Variants in PWWP3A observed in about 807,000 individuals in gnomAD.
PWWP3A encodes PWWP domain containing 3A, DNA repair factor, also known as PWWP domain-containing DNA repair factor 3A.
In PWWP3A, 53 loss-of-function variants were observed where a neutral mutation model predicts 79.0. That is an observed-to-expected ratio of 0.67 (90% CI 0.54 to 0.84). PWWP3A has a LOEUF of 0.84. Ranked by LOEUF, PWWP3A falls within the 40% of genes least tolerant of loss-of-function variation. The pLI is 0.00. For synonymous variants in PWWP3A, 443 were observed against 394.4 expected, an observed-to-expected ratio of 1.12 and a Z score of -1.46; for missense variants, 973 against 948.0, an observed-to-expected ratio of 1.03 and a Z score of -0.35.
intron 6 of PWWP3A, among the ~76,000 whole-genome samples, chr19:1,363,187 G>A (rs778814622): frequency 3.9e-5 from 6 of 152,252 alleles, no homozygotes; most frequent in South Asian, 2.1e-4. Flanking sequence ...GCACACTTGC[G>A]TGCCGGTGGC....
chr19:1,362,726 C>T (rs921792112), intron 6 of PWWP3A, among the ~76,000 whole-genome samples: 1 of 152,228 alleles, frequency 6.6e-6, no homozygotes, highest in African/African-American at 2.4e-5. Flanking sequence ...TCGCGGCTTC[C>T]GTTGGTGATG....
In PWWP3A at chr19:1,368,155, C is replaced by G. The variant is rs1478612276; in HGVS notation, c.1422+935C>G. On this transcript the variant is annotated intron_variant, in intron 9 of 13. Coordinates refer to ENST00000591337, the MANE Select transcript of PWWP3A (RefSeq NM_001369789.1). The surrounding 1 kb of genome is among the most constrained non-coding windows in gnomAD (Gnocchi z 4.7). ...GGCCAGGTTGGTCTCGAACTCCTGA[C>G]CTCATGATCCGCCTGCCTCAGCCTC... Among the ~76,000 whole-genome samples, 2 of 152,134 alleles carry G rather than the reference C, an allele frequency of 1.3e-5. No homozygotes were observed. Among genetic ancestry groups the G allele is most frequent in the African/African-American group, 2.4e-5 (1 of 41,434 alleles).
Position 1,360,082 on chromosome 19 carries a change from C to T in PWWP3A, c.215-54C>T, listed in dbSNP as rs150679795. On this transcript the variant is annotated intron_variant, in intron 4 of 13. Transcript: ENST00000591337. This position sits in a 1 kb window ranked among gnomAD's most constrained non-coding sequence, Gnocchi z 4.4. ...CGAGCTTCTAAAGCGATGCCGTGAC[C>T]GCAGTGCCTGTGCAGTGAACGTAAC... is the stretch of plus-strand genomic sequence containing the variant. 24 of 1,491,982 alleles carry T rather than the reference C, an allele frequency of 1.6e-5. No homozygotes were observed. In the Admixed American group the frequency reaches 2.1e-4, roughly 13 times the overall value. 92.4% of individuals were successfully genotyped at this position (1,491,982 alleles called of 1,614,324 possible).
In PWWP3A at chr19:1,367,212, ACG is replaced by A. The variant is rs1191864298; in HGVS notation, c.1416_1417del (p.Leu473SerfsTer42). The A allele has an allele frequency of 6.2e-7, 1 of 1,612,780 alleles. No homozygotes were observed. Among genetic ancestry groups the A allele is most frequent in the Non-Finnish European group, 8.5e-7 (1 of 1,179,380 alleles). ...GCACTTTGATTGTAAAGAGAAACAG[ACG>A]CTTCTGGTAGGTGGATGATGTTTTG... Reference protein sequence around the residue: ...LKHFDCKEKQTLLNQAREDFN... With the variant: ...LKHFDCKEKQXLLNQAREDFN... On this transcript the variant is annotated frameshift_variant, in exon 9 of 14. Transcript: ENST00000591337. LOFTEE classifies it high-confidence loss of function.
At chr19:1,374,582 C>G (rs1054634120) in intron 13 of PWWP3A, among the ~76,000 whole-genome samples, 2 of 152,176 alleles carry the variant, frequency 1.3e-5, no homozygotes. Context: ...TCCCCTATTT[C>G]CAGGTCTGCT....
intron 12 of PWWP3A, 22 bp downstream of exon 12, chr19:1,371,100 C>CA (rs907678807): frequency 1.3e-6 from 2 of 1,550,738 alleles, no homozygotes; most frequent in African/African-American, 2.7e-5. Flanking sequence ...ACCGGCGTGT[C>CA]ACGTGGGCAG....
Position 1,376,550 on chromosome 19 carries a change from G to C in PWWP3A, c.2107G>C (p.Glu703Gln), listed in dbSNP as rs372765254. The C allele has an allele frequency of 1.1e-5, 18 of 1,613,482 alleles. No homozygotes were observed. Among genetic ancestry groups the C allele is most frequent in the Non-Finnish European group, 1.5e-5 (18 of 1,179,902 alleles). The change falls in exon 14 of 14, where the codon GAA becomes CAA. Residue 703 changes from glutamate to glutamine, a missense_variant. Glu to Gln is a conservative substitution (Grantham distance 29). Coordinates refer to ENST00000591337, the MANE Select transcript of PWWP3A (RefSeq NM_001369789.1). Reference sequence around the variant, plus strand: ...AGAAATATTTGACAACCAGCTCCTTGAAGAGCGGAACCGGCGCCGTCGGTG... The same window carrying C: ...AGAAATATTTGACAACCAGCTCCTTCAAGAGCGGAACCGGCGCCGTCGGTG... ...EKEIFDNQLL[E>Q]ERNRRRR
rs767494102 is a variant in PWWP3A at position 1,369,250 on chromosome 19, C to T, written c.1423-15C>T. Reference sequence around the variant, plus strand: ...CTGCCTCCCACTGACGCCTGCTGCCCGGATCTCATTGTAGAATCAAGCCAG... The same window carrying T: ...CTGCCTCCCACTGACGCCTGCTGCCTGGATCTCATTGTAGAATCAAGCCAG... On this transcript the variant is annotated splice_polypyrimidine_tract_variant and intron_variant, in intron 9 of 13. Coordinates refer to ENST00000591337, the MANE Select transcript of PWWP3A (RefSeq NM_001369789.1). This position sits in a 1 kb window ranked among gnomAD's most constrained non-coding sequence, Gnocchi z 4.0. 42 of 1,613,622 alleles carry T rather than the reference C, an allele frequency of 2.6e-5. No individual in the cohort carries two copies. Among genetic ancestry groups the T allele is most frequent in the Middle Eastern group, 1.6e-4 (1 of 6,064 alleles).
chr19:1,355,986 T>G (rs1415756902), intron 1 of PWWP3A, among the ~76,000 whole-genome samples: 1 of 152,084 alleles, frequency 6.6e-6, no homozygotes, highest in African/African-American at 2.4e-5. Flanking sequence ...GTTGTGAGCT[T>G]TGATTGTGTA....
At chr19:1,358,965 A>G (rs1246874299) in intron 4 of PWWP3A, 1 of 342,246 alleles carries the variant, frequency 2.9e-6, no homozygotes, top group East Asian at 7.4e-5. Context: ...TGTTTGAGGC[A>G]CTGTCATGGG....
chr19:1,369,888 C>T lies in PWWP3A; in HGVS notation c.1549+242C>T, dbSNP rs1287093087. On this transcript the variant is annotated intron_variant, in intron 11 of 13. Transcript: ENST00000591337. This position sits in a 1 kb window ranked among gnomAD's most constrained non-coding sequence, Gnocchi z 4.0. ...CCTGGGGCCCTCATCCCATGGGCCA[C>T]ATCCAGCGTGTCCCTGCTGTGGCTG... Among the ~76,000 whole-genome samples the T allele has an allele frequency of 6.6e-6, 1 of 152,194 alleles. No individual in the cohort carries two copies. Among genetic ancestry groups the T allele is most frequent in the Non-Finnish European group, 1.5e-5 (1 of 68,022 alleles).
rs919264900 is a variant in PWWP3A at position 1,369,062 on chromosome 19, T to C, written c.1423-203T>C. 8.9e-6 allele frequency: 5 copies of C among 564,776 alleles called. No homozygotes were observed. Among genetic ancestry groups the C allele is most frequent in the East Asian group, 3.1e-5 (1 of 32,056 alleles). 35.0% of individuals were successfully genotyped at this position (564,776 alleles called of 1,614,324 possible). ...ATTTGAGCAGCTCAGGGCCCAGACC[T>C]GTGCCTGGTGCGTTTCCCATTTACC... On this transcript the variant is annotated intron_variant, in intron 9 of 13. Transcript: ENST00000591337. This position sits in a 1 kb window ranked among gnomAD's most constrained non-coding sequence, Gnocchi z 4.0.
intron 12 of PWWP3A, 25 bp downstream of exon 12, chr19:1,371,103 G>A (rs192296009): frequency 3.2e-6 from 5 of 1,545,944 alleles, no homozygotes; most frequent in Admixed American, 2.0e-5. Context: ...GGCGTGTCAC[G>A]TGGGCAGGGA....
intron 4 of PWWP3A, 166 bp from the exon 5 acceptor site, chr19:1,359,965 CCTCGT>C (rs1019841143): frequency 6.3e-6 from 4 of 633,828 alleles, no homozygotes; most frequent in Non-Finnish European, 9.7e-6. Context: ...CGTTCTGTAG[CCTCGT>C]CTCCTTTTTG....
At chr19:1,372,771 C>G (rs917891434) in intron 12 of PWWP3A, 1 of 294,994 alleles carries the variant, frequency 3.4e-6, no homozygotes, top group Admixed American at 4.8e-5. Context: ...AAAACCGCCA[C>G]CAAAAAAAAA....
chr19:1,377,597 T>C lies in PWWP3A; in HGVS notation c.*1021T>C, dbSNP rs1357595505. ...GCTGCAGGTTGTTGAGGGCTGTGAC[T>C]CCGTGGGGCTCAGCCAGGCTCCAGC... On this transcript the variant is annotated 3_prime_UTR_variant, in exon 14 of 14. Coordinates refer to ENST00000591337, the MANE Select transcript of PWWP3A (RefSeq NM_001369789.1). 6.6e-6 allele frequency: 1 copy of C among 152,370 alleles called. No individual in the cohort carries two copies. 9.4% of individuals were successfully genotyped at this position (152,370 alleles called of 1,614,324 possible).
At chr19:1,358,713 G>T (rs1286209579) in intron 4 of PWWP3A, 2 of 1,503,202 alleles carry the variant, frequency 1.3e-6, no homozygotes, top group Non-Finnish European at 1.8e-6. Context: ...GAGCATCAAG[G>T]TCATCTCGTA....
In PWWP3A at chr19:1,362,284, T is replaced by C; in HGVS notation, c.1146T>C (p.Asn382=). ...CTTCCGAAGAGTCCATGGGGTCTAA[T>C]TCCATGCGTTCTATCCTGGAGGAAG... is the stretch of plus-strand genomic sequence containing the variant. The part of the protein sequence containing the change: ...CQSSEESMGS[N]SMRSILEEDE... The change falls in exon 6 of 14, where the codon AAT becomes AAC. Residue 382 remains asparagine (N), a synonymous_variant. Coordinates refer to ENST00000591337, the MANE Select transcript of PWWP3A (RefSeq NM_001369789.1). 1 of 1,614,042 alleles carries C rather than the reference T, an allele frequency of 6.2e-7. No individual in the cohort carries two copies. The highest frequency in any genetic ancestry group is 8.5e-7 in the Non-Finnish European group (1 of 1,179,982).
intron 3 of PWWP3A, 184 bp from the exon 4 acceptor site, chr19:1,358,210 C>A (rs1021464775): frequency 1.1e-4 from 49 of 447,674 alleles, no homozygotes; most frequent in Middle Eastern, 4.1e-4. Context: ...AAAAACCATT[C>A]ACCAGGGTTC....
Sources: gnomAD v4.1 joint callset for allele counts (sites outside exome capture counted in the v4.1 genomes callset) on GRCh38, gnomAD v4.1.1 for gene constraint, Gnocchi (gnomAD v3.1) non-coding constraint, MANE v1.5 for transcripts, NCBI Gene and HGNC (gene_info 2026-07-23, HGNC 2026-07-21) for gene names.